Variants in NOL4 observed in about 807,000 individuals in gnomAD.
NOL4 encodes cancer/testis antigen 125.
NOL4 carries 17 observed loss-of-function variants against 75.9 expected under a neutral mutation model. The observed-to-expected ratio is 0.22, with a 90% CI of 0.15 to 0.34. The LOEUF (loss-of-function observed/expected upper bound fraction) is 0.34, where lower values mean the gene tolerates loss of function less well. NOL4 is among the 10% of genes least tolerant of loss of function. The pLI is 1.00. For synonymous variants in NOL4, 292 were observed against 289.9 expected, an observed-to-expected ratio of 1.01 and a Z score of -0.07; for missense variants, 614 against 793.5, an observed-to-expected ratio of 0.77 and a Z score of 2.72.
At chr18:33,992,230 T>C (rs2072972899) in intron 6 of NOL4, among the ~76,000 whole-genome samples, 1 of 152,038 alleles carries the variant, frequency 6.6e-6, no homozygotes, top group South Asian at 2.1e-4. Context: ...TTTTCTTTTG[T>C]AGTCTAAATT....
chr18:34,066,687 T>TAA (rs749609846), intron 5 of NOL4, among the ~76,000 whole-genome samples: 32 of 139,520 alleles, frequency 2.3e-4, no homozygotes, highest in Admixed American at 1.1e-3. Flanking sequence ...GCTTTTCTTC[T>TAA]AAAAAAAAAA....
intron 6 of NOL4, among the ~76,000 whole-genome samples, chr18:34,008,060 T>A (rs1225623206): frequency 6.6e-6 from 1 of 151,982 alleles, no homozygotes; most frequent in South Asian, 2.1e-4. Flanking sequence ...CCAATGTGAG[T>A]GGGCATCATC....
intron 4 of NOL4, among the ~76,000 whole-genome samples, chr18:34,099,935 G>A (rs113488181): frequency 6.6e-5 from 10 of 152,086 alleles, no homozygotes; most frequent in African/African-American, 2.4e-4. Flanking sequence ...ACTCAAAAGA[G>A]GTCCATTTTC....
intron 9 of NOL4, among the ~76,000 whole-genome samples, chr18:33,942,123 A>T (rs2068530626): frequency 6.6e-6 from 1 of 151,966 alleles, no homozygotes; most frequent in African/African-American, 2.4e-5. Context: ...CCTGAAATGA[A>T]AAAACGTTTT....
intron 4 of NOL4, among the ~76,000 whole-genome samples, chr18:34,095,668 T>C (rs1392434268): frequency 6.6e-6 from 1 of 152,066 alleles, no homozygotes; most frequent in Non-Finnish European, 1.5e-5. Context: ...GTCAGGTACA[T>C]GATAAGCACA....
At chr18:34,063,459 A>G (rs934368997) in intron 5 of NOL4, among the ~76,000 whole-genome samples, 5 of 152,102 alleles carry the variant, frequency 3.3e-5, no homozygotes, top group African/African-American at 1.2e-4. Context: ...TGTTTTAGGG[A>G]CTATAATTAA....
intron 4 of NOL4, among the ~76,000 whole-genome samples, chr18:34,098,254 C>G (rs1444467080): frequency 6.6e-6 from 1 of 151,972 alleles, no homozygotes; most frequent in African/African-American, 2.4e-5. Context: ...TGTGTCAGTC[C>G]CAGAACAACA....
At chr18:34,208,778 C>G (rs1050880624) in intron 1 of NOL4, among the ~76,000 whole-genome samples, 3 of 152,140 alleles carry the variant, frequency 2.0e-5, no homozygotes, top group Non-Finnish European at 2.9e-5. Context: ...AGGAGAATCA[C>G]TTGAACCTAG....
intron 1 of NOL4, among the ~76,000 whole-genome samples, chr18:34,140,228 T>A (rs933840124): frequency 6.6e-6 from 1 of 152,330 alleles, no homozygotes; most frequent in African/African-American, 2.4e-5. Flanking sequence ...GATTCCTGGA[T>A]ATCCTTGTTA....
intron 6 of NOL4, among the ~76,000 whole-genome samples, chr18:34,014,487 G>A (rs1346084528): frequency 6.6e-6 from 1 of 151,922 alleles, no homozygotes; most frequent in East Asian, 1.9e-4. Flanking sequence ...AAATTAAAAA[G>A]TCAATAATAC....
At chr18:34,181,587 A>T (rs9945927) in intron 1 of NOL4, among the ~76,000 whole-genome samples, 5,320 of 151,678 alleles carry the variant, frequency 0.035, 323 homozygotes, top group African/African-American at 0.12. Flanking sequence ...CATCAAAATT[A>T]AAAACTTTTG....
intron 10 of NOL4, among the ~76,000 whole-genome samples, chr18:33,875,232 G>C (rs1327854199): frequency 6.6e-6 from 1 of 152,034 alleles, no homozygotes; most frequent in Non-Finnish European, 1.5e-5. Flanking sequence ...CTTCCTGATA[G>C]AAAGAAAGCA....
chr18:34,008,118 G>A (rs773461925), intron 6 of NOL4, among the ~76,000 whole-genome samples: 6 of 151,976 alleles, frequency 3.9e-5, no homozygotes, highest in South Asian at 2.1e-4. Flanking sequence ...GAAAGGGCAA[G>A]TCCACTCCAT....
At chr18:33,896,636 T>C (rs1313448099) in intron 9 of NOL4, among the ~76,000 whole-genome samples, 1 of 152,110 alleles carries the variant, frequency 6.6e-6, no homozygotes, top group Non-Finnish European at 1.5e-5. Flanking sequence ...GGATTGAAGA[T>C]TTAAATGTAA....
intron 5 of NOL4, among the ~76,000 whole-genome samples, chr18:34,073,427 G>A (rs2077605730): frequency 6.6e-6 from 1 of 151,880 alleles, no homozygotes; most frequent in African/African-American, 2.4e-5. Context: ...AAATGATGTA[G>A]TATTTGCATA....
intron 9 of NOL4, among the ~76,000 whole-genome samples, chr18:33,936,407 GTTT>G (rs11350261): frequency 1.6e-5 from 2 of 124,840 alleles, no homozygotes. Context: ...TTAGCAGTGA[GTTT>G]TTTTTTTTTT....
intron 1 of NOL4, among the ~76,000 whole-genome samples, chr18:34,166,170 G>T (rs1044484351): frequency 6.6e-6 from 1 of 152,010 alleles, no homozygotes; most frequent in African/African-American, 2.4e-5. Flanking sequence ...AATTTTAAAA[G>T]CACATGATGA....
chr18:34,177,877 A>G lies in NOL4; in HGVS notation c.264+45113T>C, dbSNP rs115902272. Among the ~76,000 whole-genome samples, 503 of 152,078 alleles carry G rather than the reference A, an allele frequency of 3.3e-3. 5 individuals carry two copies. Among genetic ancestry groups the G allele is most frequent in the African/African-American group, 0.012 (485 of 41,566 alleles). The stretch of plus-strand genomic sequence containing the variant: ...TGATGAAGGAATTTTTCAGCTTGAA[A>G]TGAAGAAAACTAGAAAGTAATTTGA... On this transcript the variant is annotated intron_variant, in intron 1 of 10. Transcript: ENST00000261592.
chr18:34,220,473 T>G (rs2037218149), intron 1 of NOL4, among the ~76,000 whole-genome samples: 1 of 152,154 alleles, frequency 6.6e-6, no homozygotes, highest in Admixed American at 6.5e-5. Flanking sequence ...TTGATCAATA[T>G]ATGCCTTGGA....
Sources: gnomAD v4.1 joint callset for allele counts (sites outside exome capture counted in the v4.1 genomes callset) on GRCh38, gnomAD v4.1.1 for gene constraint, MANE v1.5 for transcripts, NCBI Gene and HGNC (gene_info 2026-07-23, HGNC 2026-07-21) for gene names.